The following SRRM1 variants were observed in gnomAD, a reference collection of about 807,000 sequenced individuals.
The protein encoded by SRRM1 is serine and arginine repetitive matrix 1, also known as serine/arginine repetitive matrix protein 1.
In SRRM1, 19 loss-of-function variants were observed where a neutral mutation model predicts 110.2. The ratio of observed to expected loss-of-function variants is 0.17; its 90% CI spans 0.12 to 0.25. The LOEUF (loss-of-function observed/expected upper bound fraction) is 0.25, where lower values mean the gene tolerates loss of function less well. Ranked by LOEUF, SRRM1 falls within the 10% of genes least tolerant of loss-of-function variation. The pLI, the probability that SRRM1 is intolerant of heterozygous loss-of-function variation, is 1.00. For missense variants in SRRM1, 918 were observed against 1,145.8 expected (o/e 0.80, Z 2.87); for synonymous variants, 443 against 414.9 (o/e 1.07, Z -0.82).
intron 16 of SRRM1, 111 bp from the exon 17 acceptor site, chr1:24,672,071 A>G: frequency 1.3e-6 from 1 of 796,424 alleles, no homozygotes; most frequent in South Asian, 1.7e-5. Context: ...CCCCTACCCC[A>G]CAACAGTCCC....
At chr1:24,663,217 AC>A in intron 12 of SRRM1, 1 of 1,511,800 alleles carries the variant, frequency 6.6e-7, no homozygotes, top group Non-Finnish European at 8.9e-7. Context: ...ATCGCCAGTG[AC>A]TAAAAGGTTG....
chr1:24,663,904 A>G (rs1005704255), intron 12 of SRRM1, among the ~76,000 whole-genome samples: 2 of 148,020 alleles, frequency 1.4e-5, no homozygotes, highest in African/African-American at 2.5e-5. Flanking sequence ...AATAATAATA[A>G]TAATAATAAT....
chr1:24,662,209 A>G (rs1667612719), intron 11 of SRRM1, among the ~76,000 whole-genome samples: 1 of 152,184 alleles, frequency 6.6e-6, no homozygotes. Context: ...ACACTTTGGG[A>G]GGCTGAGGTA....
intron 12 of SRRM1, among the ~76,000 whole-genome samples, chr1:24,666,174 G>A (rs994815960): frequency 3.9e-5 from 6 of 152,272 alleles, no homozygotes; most frequent in Admixed American, 1.3e-4. Flanking sequence ...AAAAAGCAGT[G>A]CTCTTATGTG....
At chr1:24,670,913 C>T (rs1454764603) in intron 15 of SRRM1, among the ~76,000 whole-genome samples, 1 of 152,138 alleles carries the variant, frequency 6.6e-6, no homozygotes, top group African/African-American at 2.4e-5. Flanking sequence ...TGAGGAAGAA[C>T]CAGTCATCCC....
chr1:24,652,956 T>C lies in SRRM1; in HGVS notation c.964T>C (p.Ser322Pro). 6.2e-7 allele frequency: 1 copy of C among 1,613,978 alleles called. No individual in the cohort carries two copies. Residue 322 changes from serine to proline, a missense_variant, in exon 8 of 17, where the codon TCT becomes CCT. Around this residue, in one of 5 missense-constraint regions of SRRM1, gnomAD observed 456 missense variants for 453.5 expected, o/e 1.01. Coordinates refer to ENST00000323848, the MANE Select transcript of SRRM1 (RefSeq NM_005839.4). ...GCGGCCAAGCCCAAGAAGGCGGCCA[T>C]CTCCTCGAAGAAGAACTCCGCCAAG... ...RRRPSPRRRP[S>P]PRRRTPPRRM... is the part of the protein sequence containing the mutation.
rs71032840 is a variant in SRRM1 at position 24,643,482 on chromosome 1, ACCCC to A, written c.21+146_21+149del. 2.8e-3 allele frequency: 804 copies of A among 287,926 alleles called. 23 individuals carry two copies. The highest frequency in any genetic ancestry group is 4.4e-3 in the South Asian group (32 of 7,216). 17.8% of individuals were successfully genotyped at this position (287,926 alleles called of 1,614,324 possible). A position where few individuals can be genotyped will look rare whatever the true frequency, so the allele number is the denominator to read the frequency against. Reference sequence around the variant, plus strand: ...TAAGGATTCCTCCTAGAGCCGGCGCACCCCCCCCCCCCCCGTGCGCTGCGGCGGA... The same window carrying A: ...TAAGGATTCCTCCTAGAGCCGGCGCACCCCCCCCCCGTGCGCTGCGGCGGA... On this transcript the variant is annotated intron_variant, in intron 1 of 16. Transcript: ENST00000323848.
chr1:24,652,029 A>AAAATATATATATATATATATATATAT (rs1387655792), intron 6 of SRRM1, among the ~76,000 whole-genome samples: 1 of 79,846 alleles, frequency 1.3e-5, no homozygotes, highest in Non-Finnish European at 2.6e-5. Flanking sequence ...CTGTACTAAA[A>AAAATATATATATATATATATATATAT]ATATATATAT....
Position 24,649,985 on chromosome 1 carries a change from A to C in SRRM1, c.420A>C (p.Lys140Asn). The change falls in exon 5 of 17, where the codon AAA becomes AAC. Residue 140 changes from lysine to asparagine, a missense_variant. Lys to Asn is a moderately conservative substitution (Grantham distance 94). Transcript: ENST00000323848. The stretch of plus-strand genomic sequence containing the variant: ...GGTCTTTGCAGATTGAACAAGAAAA[A>C]CTGGCATCTATGAAAAAGCAAGATG... ...EIKQRQIEQE[K>N]LASMKKQDED... The C allele has an allele frequency of 3.2e-6, 5 of 1,585,298 alleles. No individual in the cohort carries two copies. The highest frequency in any genetic ancestry group is 4.3e-6 in the Non-Finnish European group (5 of 1,167,998).
Position 24,672,891 on chromosome 1 carries a change from C to G in SRRM1, c.*605C>G, listed in dbSNP as rs900305630. On this transcript the variant is annotated 3_prime_UTR_variant, in exon 17 of 17. Coordinates refer to ENST00000323848, the MANE Select transcript of SRRM1 (RefSeq NM_005839.4). ...AATGAAAGCATGTTGTTTGCCAGGACACTGTGGGTTTATATTGATGTGTAA... is the reference window on the plus strand; with the variant it reads ...AATGAAAGCATGTTGTTTGCCAGGAGACTGTGGGTTTATATTGATGTGTAA... The G allele has an allele frequency of 2.0e-5, 3 of 152,586 alleles. No homozygotes were observed. The highest frequency in any genetic ancestry group is 2.9e-5 in the Non-Finnish European group (2 of 68,040). 9.5% of individuals were successfully genotyped at this position (152,586 alleles called of 1,614,324 possible).
At chr1:24,660,988 T>C (rs1666949998) in intron 10 of SRRM1, 189 bp downstream of exon 10, 2 of 543,510 alleles carry the variant, frequency 3.7e-6, no homozygotes, top group Non-Finnish European at 6.6e-6. Context: ...GTTTCTGTTT[T>C]AATTAACTTA....
chr1:24,671,812 A>G (rs1672880027), intron 16 of SRRM1, among the ~76,000 whole-genome samples: 4 of 151,960 alleles, frequency 2.6e-5, no homozygotes. Context: ...TTTTTTATAA[A>G]GGTGACTTAT....
chr1:24,671,635 G>C (rs116361630), intron 16 of SRRM1, 40 bp downstream of exon 16: 8 of 1,509,118 alleles, frequency 5.3e-6, no homozygotes, highest in Non-Finnish European at 3.6e-6. Flanking sequence ...TGCAGTTTAC[G>C]TACAGATAGC....
intron 2 of SRRM1, 70 bp downstream of exon 2, chr1:24,646,143 T>G: frequency 8.4e-7 from 1 of 1,191,456 alleles, no homozygotes; most frequent in Non-Finnish European, 1.2e-6. Flanking sequence ...TGGGGTTGTT[T>G]TGGAGATGCA....
intron 3 of SRRM1, chr1:24,648,497 A>G (rs1003950005): frequency 6.1e-6 from 1 of 165,036 alleles, no homozygotes; most frequent in Non-Finnish European, 1.3e-5. Context: ...CAGGCAAGCA[A>G]ATACTTTTCT....
intron 2 of SRRM1, 62 bp from the exon 3 acceptor site, chr1:24,646,605 T>C: frequency 9.6e-6 from 14 of 1,463,632 alleles, no homozygotes; most frequent in African/African-American, 1.5e-5. Flanking sequence ...GACAGAACTC[T>C]AACTTGAGCA....
intron 2 of SRRM1, 38 bp downstream of exon 2, chr1:24,646,111 C>A (rs1381846563): frequency 1.4e-6 from 2 of 1,474,826 alleles, no homozygotes; most frequent in South Asian, 1.1e-5. Flanking sequence ...ATCTTTATAG[C>A]ACACTTACTT....
In SRRM1 at chr1:24,654,902, C is replaced by T. The variant is rs755284581; in HGVS notation, c.1088C>T (p.Ser363Phe). Residue 363 changes from serine (S) to phenylalanine (F), a missense_variant, in exon 9 of 17, where the codon TCT becomes TTT. Physicochemically the swap from Ser to Phe is radical, Grantham distance 155 (BLOSUM62 -2). Around this residue, in one of 5 missense-constraint regions of SRRM1, gnomAD observed 456 missense variants for 453.5 expected, o/e 1.01. Coordinates refer to ENST00000323848, the MANE Select transcript of SRRM1 (RefSeq NM_005839.4). ...ASLSGSSSSS[S>F]SSRSRSPPKK... is the part of the protein sequence containing the mutation. The stretch of plus-strand genomic sequence containing the variant: ...TTGTCTGGGAGTAGCTCATCATCCT[C>T]TTCATCTCGTTCACGGTCACCACCA... The T allele has an allele frequency of 4.3e-6, 7 of 1,614,098 alleles. No individual in the cohort carries two copies. The highest frequency in any genetic ancestry group is 1.7e-5 in the Admixed American group (1 of 60,000).
In SRRM1 at chr1:24,671,510, C is replaced by T; in HGVS notation, c.2525C>T (p.Ala842Val). The T allele has an allele frequency of 6.2e-7, 1 of 1,612,762 alleles. No homozygotes were observed. Among genetic ancestry groups the T allele is most frequent in the African/African-American group, 1.3e-5 (1 of 74,902 alleles). Residue 842 changes from alanine to valine, a missense_variant, in exon 16 of 17, where the codon GCA (alanine) becomes GTA (valine). Ala to Val is a moderately conservative substitution (Grantham distance 64). Coordinates refer to ENST00000323848, the MANE Select transcript of SRRM1 (RefSeq NM_005839.4). Reference protein sequence around the residue: ...KKEKAVAAAAAAAVTPAAIAA... With the variant: ...KKEKAVAAAAVAAVTPAAIAA... ...GAAAAGGCTGTGGCTGCAGCTGCTGCAGCTGCTGTGACCCCTGCAGCCATT... is the reference window on the plus strand; with the variant it reads ...GAAAAGGCTGTGGCTGCAGCTGCTGTAGCTGCTGTGACCCCTGCAGCCATT...
Sources: gnomAD v4.1 joint callset for allele counts (sites outside exome capture counted in the v4.1 genomes callset) on GRCh38, gnomAD v4.1.1 for gene constraint, gnomAD v4.1.1 regional missense constraint, MANE v1.5 for transcripts, NCBI Gene and HGNC (gene_info 2026-07-23, HGNC 2026-07-21) for gene names.